The following CD163L1 variants were observed in gnomAD, a reference collection of about 807,000 sequenced individuals.
The protein encoded by CD163L1 is CD163 molecule like 1, also known as scavenger receptor cysteine-rich type 1 protein M160.
Under a neutral mutation model 165.4 loss-of-function variants are expected in CD163L1, and 124 were observed. That is an observed-to-expected ratio of 0.75 (90% CI 0.65 to 0.87). The LOEUF is 0.87. Ranked by LOEUF, CD163L1 falls within the 40% of genes least tolerant of loss-of-function variation. CD163L1 has a pLI of 0.00. For synonymous variants in CD163L1, 585 were observed against 662.2 expected (o/e 0.88, Z 1.79); for missense variants, 1,525 against 1,799.9 (o/e 0.85, Z 2.76).
chr12:7,358,218 T>C (rs1273210273), intron 18 of CD163L1, among the ~76,000 whole-genome samples: 1 of 152,028 alleles, frequency 6.6e-6, no homozygotes, highest in Non-Finnish European at 1.5e-5. Flanking sequence ...ATCTAAACTG[T>C]AATTGACAAA....
Position 7,375,607 on chromosome 12 carries a change from C to T in CD163L1, c.2687-12G>A, listed in dbSNP as rs1947251201. On this transcript the variant is annotated splice_polypyrimidine_tract_variant and intron_variant, in intron 10 of 19. Coordinates refer to ENST00000313599, the MANE Select transcript of CD163L1 (RefSeq NM_174941.6). ...GACATCTGTATATCCTAGGAGGAGA[C>T]AAGGCCATAGAAGAGACATCATGAC... is the stretch of plus-strand genomic sequence containing the variant. 3 of 1,611,700 alleles carry T rather than the reference C, an allele frequency of 1.9e-6. No individual in the cohort carries two copies. The highest frequency in any genetic ancestry group is 2.5e-6 in the Non-Finnish European group (3 of 1,179,582).
At chr12:7,399,355 CTCT>C (rs776033643) in intron 6 of CD163L1, among the ~76,000 whole-genome samples, 4 of 63,030 alleles carry the variant, frequency 6.3e-5, no homozygotes, top group Admixed American at 1.6e-4. Flanking sequence ...CTTTCATTCT[CTCT>C]TCTTTCTCTT....
the CD163L1 span, among the ~76,000 whole-genome samples, chr12:7,318,785 C>T: frequency 1.3e-5 from 2 of 152,088 alleles, no homozygotes; most frequent in African/African-American, 4.8e-5. Context: ...TCAACCATGG[C>T]AAATTTATTA....
intron 2 of CD163L1, among the ~76,000 whole-genome samples, chr12:7,440,315 G>A (rs1024396209): frequency 6.6e-6 from 1 of 151,448 alleles, no homozygotes; most frequent in African/African-American, 2.4e-5. Flanking sequence ...CGCCCGGGCA[G>A]GGACCTGGAG....
At chr12:7,329,522 A>G in the CD163L1 span, among the ~76,000 whole-genome samples, 1 of 152,000 alleles carries the variant, frequency 6.6e-6, no homozygotes, top group Non-Finnish European at 1.5e-5. Context: ...ACCTTAGAGA[A>G]ACATATATTA....
intron 18 of CD163L1, among the ~76,000 whole-genome samples, chr12:7,366,263 G>A (rs1018393611): frequency 6.6e-6 from 1 of 151,854 alleles, no homozygotes; most frequent in Non-Finnish European, 1.5e-5. Flanking sequence ...GGAAAGGGAG[G>A]ATAAAGAGAG....
chr12:7,334,132 T>C, the CD163L1 span, among the ~76,000 whole-genome samples: 4 of 151,636 alleles, frequency 2.6e-5, no homozygotes, highest in African/African-American at 9.7e-5. Flanking sequence ...CCTCCCTAAC[T>C]CATTTTATGA....
At chr12:7,366,241 G>A (rs374432659) in intron 18 of CD163L1, among the ~76,000 whole-genome samples, 52 of 141,750 alleles carry the variant, frequency 3.7e-4, no homozygotes, top group African/African-American at 1.1e-3. Flanking sequence ...ATCAGAGGCC[G>A]GAAAGGGTAG....
chr12:7,426,525 G>C (rs1948546539), intron 4 of CD163L1, among the ~76,000 whole-genome samples: 1 of 152,032 alleles, frequency 6.6e-6, no homozygotes, highest in Non-Finnish European at 1.5e-5. Context: ...GTGGGTAAGG[G>C]ATAAAAACTA....
intron 8 of CD163L1, 82 bp downstream of exon 8, chr12:7,396,013 A>T: frequency 8.8e-7 from 1 of 1,139,596 alleles, no homozygotes; most frequent in Non-Finnish European, 1.3e-6. Flanking sequence ...CTCGGTCATA[A>T]ATGTACTGAC....
rs745934437 is a variant in CD163L1, at chr12:7,406,766, T to C, written c.853A>G (p.Thr285Ala). The C allele has an allele frequency of 6.2e-7, 1 of 1,613,936 alleles. No homozygotes were observed. The highest frequency in any genetic ancestry group is 1.7e-5 in the Admixed American group (1 of 59,984). ...VELKIQGRWG[T>A]VCHHKWNNAA... ...TTGTTCCACTTATGGTGGCATACGGTCCCCCACCTTCCTTGGATTTTCAGC... is the reference window on the plus strand; with the variant it reads ...TTGTTCCACTTATGGTGGCATACGGCCCCCCACCTTCCTTGGATTTTCAGC... The change falls in exon 5 of 20, where the codon ACC becomes GCC. Residue 285 changes from threonine (T) to alanine (A), a missense_variant. Coordinates refer to ENST00000313599, the MANE Select transcript of CD163L1 (RefSeq NM_174941.6).
At chr12:7,440,106 C>G (rs1296768836) in intron 2 of CD163L1, 9 of 802,284 alleles carry the variant, frequency 1.1e-5, no homozygotes, top group Admixed American at 4.4e-5. Flanking sequence ...CGACCAATGG[C>G]GGGCTTGGAC....
chr12:7,323,842 A>G, the CD163L1 span, among the ~76,000 whole-genome samples: 31 of 152,122 alleles, frequency 2.0e-4, no homozygotes, highest in African/African-American at 7.2e-4. Flanking sequence ...TATACTCTTT[A>G]TGACCTTTTG....
At chr12:7,405,162 G>C (rs1236581249) in intron 5 of CD163L1, among the ~76,000 whole-genome samples, 1 of 152,150 alleles carries the variant, frequency 6.6e-6, no homozygotes, top group Non-Finnish European at 1.5e-5. Context: ...AGAAGTTCCA[G>C]AGTTTGAATA....
At chr12:7,434,022 G>A (rs1381488128) in intron 2 of CD163L1, among the ~76,000 whole-genome samples, 1 of 152,184 alleles carries the variant, frequency 6.6e-6, no homozygotes, top group Non-Finnish European at 1.5e-5. Flanking sequence ...ATGAAAGAAA[G>A]TCCCTTGGCT....
At chr12:7,416,854 T>C (rs771692338) in intron 4 of CD163L1, among the ~76,000 whole-genome samples, 2 of 152,338 alleles carry the variant, frequency 1.3e-5, no homozygotes, top group East Asian at 3.9e-4. Flanking sequence ...GATAGCATGA[T>C]GCCTCCAGCT....
the CD163L1 span, among the ~76,000 whole-genome samples, chr12:7,332,359 G>T: frequency 1.8e-4 from 27 of 152,320 alleles, no homozygotes; most frequent in African/African-American, 6.5e-4. Context: ...AAAACACTCT[G>T]CAGGATATTA....
intron 8 of CD163L1, among the ~76,000 whole-genome samples, chr12:7,392,761 T>C (rs1947684222): frequency 6.6e-6 from 1 of 151,964 alleles, no homozygotes; most frequent in African/African-American, 2.4e-5. Context: ...CCCAAAGAAA[T>C]ACAAACTACC....
chr12:7,367,235 C>G lies in CD163L1; in HGVS notation c.4279+1G>C. 6.2e-7 allele frequency: 1 copy of G among 1,607,994 alleles called. No homozygotes were observed. Among genetic ancestry groups the G allele is most frequent in the Non-Finnish European group, 8.5e-7 (1 of 1,174,846 alleles). On this transcript the variant is annotated splice_donor_variant, in intron 18 of 19. Coordinates refer to ENST00000313599, the MANE Select transcript of CD163L1 (RefSeq NM_174941.6). LOFTEE classifies it high-confidence loss of function. ...AGTGCGGCCCCTGGAGTTGCACAGA[C>G]CTGAGGTTCTTGTCCCATGTGGGTC...
Sources: gnomAD v4.1 joint callset for allele counts (sites outside exome capture counted in the v4.1 genomes callset) on GRCh38, gnomAD v4.1.1 for gene constraint, MANE v1.5 for transcripts, NCBI Gene and HGNC (gene_info 2026-07-23, HGNC 2026-07-21) for gene names.